DMD: variants seen among roughly 807,000 people sequenced by gnomAD.
DMD encodes the protein mutant dystrophin.
Under a neutral mutation model 330.1 loss-of-function variants are expected in DMD, and 63 were observed. The ratio of observed to expected loss-of-function variants is 0.19; its 90% CI spans 0.16 to 0.24. The LOEUF (loss-of-function observed/expected upper bound fraction) is 0.24, where lower values mean the gene tolerates loss of function less well. Among genes scored for constraint, DMD ranks in the 10% least tolerant of loss-of-function variants. The pLI is 1.00. For missense variants in DMD, 3,344 were observed against 2,684.1 expected, an observed-to-expected ratio of 1.25 and a Z score of -5.43; for synonymous variants, 1,223 against 959.8, an observed-to-expected ratio of 1.27 and a Z score of -5.07.
intron 44 of DMD, among the ~76,000 whole-genome samples, chrX:32,207,353 T>C (rs2097074521): frequency 9.0e-6 from 1 of 111,457 alleles, no homozygotes; most frequent in South Asian, 3.8e-4. Flanking sequence ...TGTGATGACA[T>C]ATCAAGTAGG....
chrX:32,294,015 G>A (rs985636844), intron 42 of DMD, among the ~76,000 whole-genome samples: 13 of 111,712 alleles, frequency 1.2e-4, no homozygotes, highest in African/African-American at 3.9e-4. Flanking sequence ...GGGCTACTCC[G>A]CTAGCCTGAT....
chrX:32,259,429 T>C (rs1389251280), intron 43 of DMD, among the ~76,000 whole-genome samples: 1 of 111,282 alleles, frequency 9.0e-6, no homozygotes, highest in Admixed American at 9.7e-5. Context: ...TACTTCAACG[T>C]TGTAAATTTT....
chrX:32,100,376 T>G (rs1341660855), intron 44 of DMD, among the ~76,000 whole-genome samples: 1 of 93,349 alleles, frequency 1.1e-5, no homozygotes, highest in Non-Finnish European at 2.0e-5. Context: ...TTTTCCCAGA[T>G]ATATATATAT....
At chrX:33,017,510 TC>T (rs1335408500) in intron 2 of DMD, among the ~76,000 whole-genome samples, 1 of 111,103 alleles carries the variant, frequency 9.0e-6, no homozygotes, top group African/African-American at 3.3e-5. Flanking sequence ...TTCTCTTTTT[TC>T]TCTTTTTAAA....
chrX:32,497,339 G>C (rs1191642539), intron 19 of DMD, among the ~76,000 whole-genome samples: 1 of 111,924 alleles, frequency 8.9e-6, no homozygotes, highest in Non-Finnish European at 1.9e-5. Flanking sequence ...TGATAGTTTT[G>C]AGATGTTCTT....
At chrX:32,738,603 ACAG>A (rs766844990) in intron 7 of DMD, among the ~76,000 whole-genome samples, 7 of 111,773 alleles carry the variant, frequency 6.3e-5, no homozygotes, top group African/African-American at 2.3e-4. Flanking sequence ...TGCCGGTGAC[ACAG>A]CAGAACTAGT....
At chrX:31,334,779 C>T (rs1447413094) in intron 61 of DMD, among the ~76,000 whole-genome samples, 2 of 111,887 alleles carry the variant, frequency 1.8e-5, no homozygotes, top group Non-Finnish European at 3.8e-5. Context: ...GTTGATAAGA[C>T]CCTTCCTCGT....
intron 69 of DMD, among the ~76,000 whole-genome samples, chrX:31,179,858 A>G (rs1300930672): frequency 1.8e-5 from 2 of 112,217 alleles, no homozygotes; most frequent in Non-Finnish European, 3.8e-5. Context: ...AAATCATAGT[A>G]CTTATTTTAC....
intron 41 of DMD, among the ~76,000 whole-genome samples, chrX:32,324,679 A>C (rs1569557834): frequency 8.9e-6 from 1 of 111,766 alleles, no homozygotes; most frequent in Non-Finnish European, 1.9e-5. Flanking sequence ...GGAGAACATG[A>C]TAAAATCATA....
At chrX:32,377,551 A>C (rs1363254995) in intron 34 of DMD, among the ~76,000 whole-genome samples, 1 of 111,910 alleles carries the variant, frequency 8.9e-6, no homozygotes. Flanking sequence ...CATACACATG[A>C]ATATGAAGCC....
chrX:32,170,489 A>T (rs1211758899), intron 44 of DMD, among the ~76,000 whole-genome samples: 3 of 106,751 alleles, frequency 2.8e-5, no homozygotes, highest in Non-Finnish European at 3.8e-5. Context: ...AATAATAATA[A>T]TTATTATTAT....
intron 44 of DMD, among the ~76,000 whole-genome samples, chrX:32,124,964 TAA>T (rs369743779): frequency 1.3e-4 from 10 of 77,476 alleles, no homozygotes; most frequent in Non-Finnish European, 2.0e-4. Flanking sequence ...TAGAGAAATC[TAA>T]AAAAAAAAAA....
At chrX:31,688,425 G>T (rs1387987641) in intron 52 of DMD, among the ~76,000 whole-genome samples, 1 of 111,672 alleles carries the variant, frequency 9.0e-6, no homozygotes, top group Non-Finnish European at 1.9e-5. Context: ...CCAGGAAGAA[G>T]TTGAATCCCT....
intron 22 of DMD, among the ~76,000 whole-genome samples, chrX:32,469,767 C>A (rs768680701): frequency 9.0e-5 from 10 of 110,711 alleles, no homozygotes; most frequent in African/African-American, 3.3e-4. Context: ...CAACAATTTC[C>A]ATTATTAGTT....
At chrX:31,297,736 T>C (rs2054296985) in intron 62 of DMD, among the ~76,000 whole-genome samples, 1 of 112,246 alleles carries the variant, frequency 8.9e-6, no homozygotes, top group African/African-American at 3.2e-5. Flanking sequence ...ACAGAAAACC[T>C]AAAAAAGTTC....
chrX:32,359,606 C>A (rs1289680352), intron 37 of DMD, among the ~76,000 whole-genome samples: 1 of 111,597 alleles, frequency 9.0e-6, no homozygotes, highest in Admixed American at 9.6e-5. Flanking sequence ...CACTTCAGCA[C>A]TTCCCTACTC....
At chrX:32,228,015 C>T (rs990082470) in intron 43 of DMD, among the ~76,000 whole-genome samples, 1 of 111,220 alleles carries the variant, frequency 9.0e-6, no homozygotes, top group East Asian at 2.8e-4. Context: ...AGTATACACA[C>T]ATATCAGAAA....
intron 37 of DMD, among the ~76,000 whole-genome samples, chrX:32,355,988 A>G (rs1441996898): frequency 9.0e-6 from 1 of 110,738 alleles, no homozygotes; most frequent in Non-Finnish European, 1.9e-5. Flanking sequence ...ATTATTTTCC[A>G]TCATAGGTGT....
intron 1 of DMD, among the ~76,000 whole-genome samples, chrX:33,049,312 A>C (rs183874392): frequency 1.6e-4 from 18 of 111,807 alleles, no homozygotes; most frequent in Admixed American, 7.6e-4. Context: ...AATTGACGTC[A>C]CATACTTTTT....
Sources: allele counts gnomAD v4.1 joint callset (sites outside exome capture counted in the v4.1 genomes callset), GRCh38; gene constraint gnomAD v4.1.1; transcripts MANE v1.5; gene names NCBI Gene and HGNC (gene_info 2026-07-23, HGNC 2026-07-21).